Variants in SRRM3 observed in about 807,000 individuals in gnomAD.
SRRM3 encodes the protein serine/arginine repetitive matrix 3.
In SRRM3, 27 loss-of-function variants were observed where a neutral mutation model predicts 66.2. That is an observed-to-expected ratio of 0.41 (90% confidence interval 0.30 to 0.56). The LOEUF (loss-of-function observed/expected upper bound fraction) is 0.56. SRRM3 is among the 20% of genes least tolerant of loss of function. SRRM3 has a pLI of 0.32. For missense variants in SRRM3, 918 were observed against 991.9 expected (o/e 0.93, Z 1.00); for synonymous variants, 391 against 414.9 (o/e 0.94, Z 0.70).
At chr7:76,261,310 C>A in intron 6 of SRRM3, 42 bp from the exon 7 acceptor site, 1 of 362,060 alleles carries the variant, frequency 2.8e-6, no homozygotes, top group Non-Finnish European at 5.4e-6. Flanking sequence ...GCCCCCCACC[C>A]CCCACCCCAG....
chr7:76,251,884 G>A (rs1167951238), intron 3 of SRRM3, among the ~76,000 whole-genome samples: 6 of 151,978 alleles, frequency 3.9e-5, no homozygotes, highest in Middle Eastern at 3.2e-3. Context: ...CCAACACGGT[G>A]AAACCCCCAT....
chr7:76,265,305 C>CT, intron 9 of SRRM3, 59 bp from the exon 10 acceptor site: 1 of 1,362,340 alleles, frequency 7.3e-7, no homozygotes. Context: ...AACTTGGGGG[C>CT]TGGGGGGATC....
intron 1 of SRRM3, among the ~76,000 whole-genome samples, chr7:76,213,004 C>CTTTTT (rs57266029): frequency 1.9e-4 from 13 of 67,904 alleles, no homozygotes; most frequent in East Asian, 1.2e-3. Context: ...CACCCCATTC[C>CTTTTT]TTTTTTTTTT....
At chr7:76,240,382 A>C (rs566001452) in intron 2 of SRRM3, among the ~76,000 whole-genome samples, 6 of 152,180 alleles carry the variant, frequency 3.9e-5, no homozygotes, top group African/African-American at 1.2e-4. Context: ...GCACTTTGGG[A>C]GGCCGAGGCG....
In SRRM3 at chr7:76,244,764, C is replaced by T. The variant is rs188516376; in HGVS notation, c.234-3424C>T. Among the ~76,000 whole-genome samples, 3 of 152,292 alleles carry T rather than the reference C, an allele frequency of 2.0e-5. No homozygotes were observed. The East Asian group carries it at 5.8e-4, about 29-fold the overall frequency. On this transcript the variant is annotated intron_variant, in intron 2 of 14. Transcript: ENST00000611745. ...CTGAACCCCTATGGTAGCGCAACAC[C>T]AGCTTTCTGCCTCCAGTTCTCTCTT...
intron 1 of SRRM3, among the ~76,000 whole-genome samples, chr7:76,221,760 T>C (rs1293442327): frequency 6.6e-6 from 1 of 152,204 alleles, no homozygotes; most frequent in Non-Finnish European, 1.5e-5. Context: ...TTTGTAATGA[T>C]TTAAAATGGT....
rs1554612912 is a variant in SRRM3, at chr7:76,286,886, G to C, written c.*1043G>C. The stretch of plus-strand genomic sequence containing the variant: ...TGCCTGTGGTCTGGGACGTGGGCTG[G>C]ATGGCAGCCCAGGGTCACAGGCATA... On this transcript the variant is annotated 3_prime_UTR_variant, in exon 15 of 15. Transcript: ENST00000611745. The C allele has an allele frequency of 6.6e-6, 1 of 152,416 alleles. No individual in the cohort carries two copies. The highest frequency in any genetic ancestry group is 6.5e-5 in the Admixed American group (1 of 15,280). 9.4% of individuals were successfully genotyped at this position (152,416 alleles called of 1,614,324 possible).
At chr7:76,281,387 C>A in intron 11 of SRRM3, 54 bp from the exon 12 acceptor site, 1 of 1,170,246 alleles carries the variant, frequency 8.5e-7, no homozygotes, top group Non-Finnish European at 1.1e-6. Flanking sequence ...CTGTCTCTGT[C>A]TCTCTCGTCT....
intron 3 of SRRM3, among the ~76,000 whole-genome samples, chr7:76,249,307 A>C (rs1481296109): frequency 6.6e-6 from 1 of 151,708 alleles, no homozygotes; most frequent in Non-Finnish European, 1.5e-5. Context: ...AATCACTTGA[A>C]CCTGGAAGGC....
chr7:76,224,164 T>G (rs1554603513), intron 1 of SRRM3, among the ~76,000 whole-genome samples: 1 of 118,110 alleles, frequency 8.5e-6, no homozygotes, highest in Non-Finnish European at 1.7e-5. Context: ...CACTGCAAGC[T>G]CCGCTCCTGG....
chr7:76,258,713 C>CAAAA (rs201265747), intron 3 of SRRM3, among the ~76,000 whole-genome samples: 3 of 68,262 alleles, frequency 4.4e-5, no homozygotes, highest in South Asian at 5.4e-4. Flanking sequence ...GACTCCATCT[C>CAAAA]AAAAAAAAAA....
chr7:76,267,141 C>T (rs941781659), intron 10 of SRRM3, 117 bp from the exon 11 acceptor site: 5 of 960,054 alleles, frequency 5.2e-6, no homozygotes, highest in Non-Finnish European at 7.1e-6. Context: ...GGTGAAAAGG[C>T]AGGTGGAGGG....
chr7:76,223,214 A>G (rs782100615), intron 1 of SRRM3, among the ~76,000 whole-genome samples: 4 of 152,120 alleles, frequency 2.6e-5, no homozygotes, highest in African/African-American at 4.8e-5. Context: ...TGTGACCTGA[A>G]TGAATGACCC....
In SRRM3 at chr7:76,259,950, T is replaced by C; in HGVS notation, c.380T>C (p.Leu127Pro). Residue 127 changes from leucine to proline, a missense_variant, in exon 4 of 15, where the codon CTG becomes CCG. Leu to Pro is a moderately conservative substitution (Grantham distance 98, BLOSUM62 -3). Coordinates refer to ENST00000611745, the MANE Select transcript of SRRM3 (RefSeq NM_001110199.3). ...PRLTEGAEPG[L>P]EYAPFDDDDG... is the part of the protein sequence containing the mutation. Reference sequence around the variant, plus strand: ...CTGACCGAGGGCGCTGAGCCGGGCCTGGAGTACGCGCCCTTTGACGATGAC... The same window carrying C: ...CTGACCGAGGGCGCTGAGCCGGGCCCGGAGTACGCGCCCTTTGACGATGAC... 6.2e-7 allele frequency: 1 copy of C among 1,601,936 alleles called. No individual in the cohort carries two copies. Among genetic ancestry groups the C allele is most frequent in the Non-Finnish European group, 8.5e-7 (1 of 1,179,470 alleles).
chr7:76,239,389 T>A (rs971199114), intron 2 of SRRM3, among the ~76,000 whole-genome samples: 6 of 152,032 alleles, frequency 3.9e-5, no homozygotes, highest in Admixed American at 2.0e-4. Flanking sequence ...TGCTCATCTA[T>A]AAAATGGGAA....
intron 1 of SRRM3, among the ~76,000 whole-genome samples, chr7:76,218,238 CCTCAG>C (rs1800616898): frequency 6.6e-6 from 1 of 152,206 alleles, no homozygotes; most frequent in South Asian, 2.1e-4. Flanking sequence ...TTGGGAGGGT[CCTCAG>C]AGAGCATGGG....
At chr7:76,237,262 C>T (rs573460636) in intron 2 of SRRM3, among the ~76,000 whole-genome samples, 19 of 152,268 alleles carry the variant, frequency 1.2e-4, no homozygotes, top group Non-Finnish European at 2.4e-4. Flanking sequence ...AAAAAATTAG[C>T]CGGGCATGGT....
At position 76,238,463 on chromosome 7, in the gene SRRM3, T is replaced by A. The variant is rs574136335; in HGVS notation, c.233+3164T>A. Among the ~76,000 whole-genome samples, 3 of 152,312 alleles carry A rather than the reference T, an allele frequency of 2.0e-5. No individual in the cohort carries two copies. The East Asian group carries it at 5.8e-4, about 29-fold the overall frequency. On this transcript the variant is annotated intron_variant, in intron 2 of 14. Coordinates refer to ENST00000611745, the MANE Select transcript of SRRM3 (RefSeq NM_001110199.3). ...CTCATTAAAAAGCAATCCTTTTCCTTAATATTGATGGCTGGCTGGCTAATC... is the reference window on the plus strand; with the variant it reads ...CTCATTAAAAAGCAATCCTTTTCCTAAATATTGATGGCTGGCTGGCTAATC...
chr7:76,219,178 T>C (rs922299845), intron 1 of SRRM3, among the ~76,000 whole-genome samples: 4 of 152,228 alleles, frequency 2.6e-5, no homozygotes, highest in African/African-American at 9.6e-5. Flanking sequence ...GTGTTGCTTG[T>C]TCTGATACCT....
Sources: gnomAD v4.1 joint callset for allele counts (sites outside exome capture counted in the v4.1 genomes callset) on GRCh38, gnomAD v4.1.1 for gene constraint, MANE v1.5 for transcripts, NCBI Gene and HGNC (gene_info 2026-07-23, HGNC 2026-07-21) for gene names.